SMIM10L3: variants seen among roughly 807,000 people sequenced by gnomAD.
SMIM10L3 encodes the protein small integral membrane protein 10 like 3.
chr7:6,340,704 C>T, the SMIM10L3 span, among the ~76,000 whole-genome samples: 1 of 151,814 alleles, frequency 6.6e-6, no homozygotes, highest in Admixed American at 6.6e-5. Context: ...TCGAGACCAT[C>T]CTGGCTAACA....
chr7:6,342,723 G>C, the SMIM10L3 span, among the ~76,000 whole-genome samples: 2 of 151,936 alleles, frequency 1.3e-5, no homozygotes, highest in Non-Finnish European at 2.9e-5. Flanking sequence ...AACATAGAAA[G>C]ACATAAAAGA....
chr7:6,339,994 C>T, the SMIM10L3 span, among the ~76,000 whole-genome samples: 1 of 151,950 alleles, frequency 6.6e-6, no homozygotes, highest in Non-Finnish European at 1.5e-5. Flanking sequence ...AAGCACTTCT[C>T]CTGCCTCAGC....
chr7:6,339,482 CT>C, the SMIM10L3 span, among the ~76,000 whole-genome samples: 4 of 151,512 alleles, frequency 2.6e-5, no homozygotes, highest in African/African-American at 4.8e-5. Context: ...CTGTGTACCC[CT>C]TTTTTTGTTT....
chr7:6,337,340 T>G, the SMIM10L3 span, among the ~76,000 whole-genome samples: 2 of 152,136 alleles, frequency 1.3e-5, no homozygotes, highest in East Asian at 3.9e-4. Context: ...CAGGCTGGTC[T>G]CTAACTCCTG....
the SMIM10L3 span, chr7:6,330,659 T>G: frequency 1.9e-6 from 3 of 1,614,092 alleles, no homozygotes; most frequent in Non-Finnish European, 2.5e-6. Context: ...TCCTGAAAAC[T>G]TCCCATTTCC....
At chr7:6,340,530 C>A in the SMIM10L3 span, among the ~76,000 whole-genome samples, 2 of 152,082 alleles carry the variant, frequency 1.3e-5, no homozygotes, top group African/African-American at 4.8e-5. Context: ...AAATACAGAC[C>A]ACCCACAGCT....
At chr7:6,343,148 G>T in the SMIM10L3 span, among the ~76,000 whole-genome samples, 1 of 151,684 alleles carries the variant, frequency 6.6e-6, no homozygotes, top group African/African-American at 2.4e-5. Flanking sequence ...AGGCCGAGGA[G>T]GGTGGATCCC....
the SMIM10L3 span, among the ~76,000 whole-genome samples, chr7:6,347,077 A>C: frequency 7.5e-4 from 114 of 152,320 alleles, 2 homozygotes; most frequent in Middle Eastern, 6.8e-3. Flanking sequence ...CTGTAATCCT[A>C]GTGCTTTGGG....
chr7:6,340,032 G>C, the SMIM10L3 span, among the ~76,000 whole-genome samples: 1 of 152,066 alleles, frequency 6.6e-6, no homozygotes, highest in Non-Finnish European at 1.5e-5. Flanking sequence ...TTACAGGCAT[G>C]CACCACCACA....
At chr7:6,333,119 T>C in the SMIM10L3 span, among the ~76,000 whole-genome samples, 3 of 148,508 alleles carry the variant, frequency 2.0e-5, no homozygotes, top group East Asian at 5.9e-4. Flanking sequence ...ATCCCACCAC[T>C]GCACTCCAGC....
At chr7:6,330,441 C>G in the SMIM10L3 span, 2 of 1,614,144 alleles carry the variant, frequency 1.2e-6, no homozygotes, top group South Asian at 2.2e-5. Context: ...GTGTTATCTG[C>G]AGACCATCTG....
chr7:6,348,383 T>G, the SMIM10L3 span, among the ~76,000 whole-genome samples: 1 of 152,148 alleles, frequency 6.6e-6, no homozygotes, highest in Non-Finnish European at 1.5e-5. Flanking sequence ...TGACCCCCAG[T>G]GCCGCGTTTG....
chr7:6,330,758 CT>C, the SMIM10L3 span: 1 of 1,614,050 alleles, frequency 6.2e-7, no homozygotes, highest in African/African-American at 1.3e-5. Context: ...CTGGGCCCTC[CT>C]CCCAGCCAGT....
At chr7:6,340,588 G>C in the SMIM10L3 span, among the ~76,000 whole-genome samples, 1 of 152,182 alleles carries the variant, frequency 6.6e-6, no homozygotes, top group African/African-American at 2.4e-5. Flanking sequence ...ACTCGAAGGA[G>C]GGCAGGTTGA....
the SMIM10L3 span, among the ~76,000 whole-genome samples, chr7:6,346,760 A>G: frequency 6.6e-6 from 1 of 152,146 alleles, no homozygotes; most frequent in Non-Finnish European, 1.5e-5. Flanking sequence ...GGCACCAGCC[A>G]CCTGAAGACC....
chr7:6,342,793 T>G, the SMIM10L3 span, among the ~76,000 whole-genome samples: 4 of 151,778 alleles, frequency 2.6e-5, no homozygotes, highest in Non-Finnish European at 2.9e-5. Flanking sequence ...TCTCAGCACT[T>G]TGGGAGGCTG....
chr7:6,329,435 T>C, the SMIM10L3 span: 1 of 152,460 alleles, frequency 6.6e-6, no homozygotes, highest in Non-Finnish European at 1.5e-5. Flanking sequence ...TTTATTAAGC[T>C]AAAGAACAAA....
the SMIM10L3 span, among the ~76,000 whole-genome samples, chr7:6,344,369 T>C: frequency 0.45 from 67,995 of 152,020 alleles, 16,112 homozygotes; most frequent in East Asian, 0.88. Context: ...CCCACCCCCA[T>C]GATGTGACAT....
chr7:6,346,078 T>G, the SMIM10L3 span, among the ~76,000 whole-genome samples: 1,025 of 152,156 alleles, frequency 6.7e-3, 9 homozygotes, highest in Middle Eastern at 0.014. Context: ...CAAAGTTTGT[T>G]TTTTAAAAAT....
Sources: gnomAD v4.1 joint callset for allele counts (sites outside exome capture counted in the v4.1 genomes callset) on GRCh38, gnomAD v4.1.1 for gene constraint, MANE v1.5 for transcripts, NCBI Gene and HGNC (gene_info 2026-07-23, HGNC 2026-07-21) for gene names.